The following CBFA2T3 variants were observed in gnomAD, a reference collection of about 807,000 sequenced individuals.
CBFA2T3 encodes the protein transcriptional corepressor CBFA2T3.
CBFA2T3 carries 31 observed loss-of-function variants against 58.6 expected under a neutral mutation model. The observed-to-expected ratio is 0.53, with a 90% CI of 0.40 to 0.71. The LOEUF is 0.71. Ranked by LOEUF, CBFA2T3 falls within the 30% of genes least tolerant of loss-of-function variation. The pLI is 0.00. For missense variants in CBFA2T3, 1,076 were observed against 963.1 expected, an observed-to-expected ratio of 1.12 and a Z score of -1.55; for synonymous variants, 531 against 421.9, an observed-to-expected ratio of 1.26 and a Z score of -3.17.
chr16:88,919,861 C>A (rs1323535053), intron 1 of CBFA2T3, among the ~76,000 whole-genome samples: 5 of 152,200 alleles, frequency 3.3e-5, no homozygotes, highest in Non-Finnish European at 7.3e-5. Flanking sequence ...AACTCCTGGG[C>A]CTCGGTTCCT....
chr16:88,914,633 C>A (rs954494194), intron 1 of CBFA2T3, among the ~76,000 whole-genome samples: 1 of 152,204 alleles, frequency 6.6e-6, no homozygotes, highest in Non-Finnish European at 1.5e-5. Context: ...GGCTTAAGCC[C>A]AGAGCCCCTA....
chr16:88,973,941 C>CG (rs1397772283), intron 1 of CBFA2T3, among the ~76,000 whole-genome samples: 1 of 152,162 alleles, frequency 6.6e-6, no homozygotes, highest in African/African-American at 2.4e-5. Context: ...AACACCCGCC[C>CG]GCCTTTGCCT....
chr16:88,958,444 C>T lies in CBFA2T3; in HGVS notation c.151+18213G>A, dbSNP rs1337310117. On this transcript the variant is annotated intron_variant, in intron 1 of 11. Transcript: ENST00000268679. The surrounding 1 kb of genome is among the most constrained non-coding windows in gnomAD (Gnocchi z 4.0). ...GTTAGAGTAATGCCAGGCGGGGCGG[C>T]GGGGGAAGAAGGTTCTGGGGCGGGG... Among the ~76,000 whole-genome samples the T allele has an allele frequency of 1.6e-5, 2 of 122,328 alleles. No individual in the cohort carries two copies. Among genetic ancestry groups the T allele is most frequent in the Non-Finnish European group, 3.4e-5 (2 of 58,186 alleles). The allele number at this position is 122,328 out of a possible 152,430, so 80.3% of individuals were successfully genotyped here. A position where few individuals can be genotyped will look rare whatever the true frequency, so the allele number is the denominator to read the frequency against.
chr16:88,917,811 C>T (rs1389022254), intron 1 of CBFA2T3, among the ~76,000 whole-genome samples: 4 of 149,032 alleles, frequency 2.7e-5, no homozygotes, highest in South Asian at 2.1e-4. Context: ...CACATGCAGA[C>T]GAGAGTGTGC....
intron 1 of CBFA2T3, among the ~76,000 whole-genome samples, chr16:88,908,708 C>T (rs1010901571): frequency 6.6e-6 from 1 of 152,230 alleles, no homozygotes; most frequent in Non-Finnish European, 1.5e-5. Context: ...CTCGTACCCT[C>T]GCCAGCTCTG....
At chr16:88,906,474 G>T (rs1453331366) in intron 1 of CBFA2T3, among the ~76,000 whole-genome samples, 3 of 151,680 alleles carry the variant, frequency 2.0e-5, no homozygotes, top group African/African-American at 7.3e-5. Context: ...ACACACGGAG[G>T]TGAATAAGTC....
chr16:88,943,128 G>C (rs1430437351), intron 1 of CBFA2T3, among the ~76,000 whole-genome samples: 2 of 152,250 alleles, frequency 1.3e-5, no homozygotes, highest in South Asian at 2.1e-4. Context: ...AGGTTTCAGA[G>C]ATTTTACAAA....
chr16:88,934,867 G>A (rs1394832925), intron 1 of CBFA2T3, among the ~76,000 whole-genome samples: 6 of 152,200 alleles, frequency 3.9e-5, no homozygotes, highest in African/African-American at 1.2e-4. Flanking sequence ...AGCCTCCCCA[G>A]TAGCTGGGAC....
At position 88,901,539 on chromosome 16, in the gene CBFA2T3, C is replaced by T. The variant is rs1970098158; in HGVS notation, c.269G>A (p.Gly90Glu). Residue 90 changes from glycine to glutamate, a missense_variant, in exon 2 of 12, where the codon GGG (glycine) becomes GAG (glutamate). Transcript: ENST00000268679. ...CGTGAAGGAGGGGGGGCGTGTGGCC[C>T]CCTGGGATGCGGCAGGCGGTGGGGG... ...MPPPPPAASQGATRPPSFTPH... is the reference protein window; with the variant it reads ...MPPPPPAASQEATRPPSFTPH... 1 of 1,485,472 alleles carries T rather than the reference C, an allele frequency of 6.7e-7. No individual in the cohort carries two copies. The highest frequency in any genetic ancestry group is 8.9e-7 in the Non-Finnish European group (1 of 1,125,414). 92.0% of individuals were successfully genotyped at this position (1,485,472 alleles called of 1,614,324 possible).
intron 1 of CBFA2T3, among the ~76,000 whole-genome samples, chr16:88,914,823 T>G (rs1567604535): frequency 6.6e-6 from 1 of 152,102 alleles, no homozygotes; most frequent in Non-Finnish European, 1.5e-5. Context: ...GGGCCGCAAA[T>G]GGGACCCAGA....
At chr16:88,933,752 C>A (rs1971387869) in intron 1 of CBFA2T3, among the ~76,000 whole-genome samples, 1 of 141,482 alleles carries the variant, frequency 7.1e-6, no homozygotes, top group East Asian at 2.0e-4. Context: ...CCTCTATACG[C>A]CTCACACGCC....
intron 1 of CBFA2T3, among the ~76,000 whole-genome samples, chr16:88,917,064 T>A: frequency 7.0e-6 from 1 of 143,248 alleles, no homozygotes. Flanking sequence ...ACACCGTGAC[T>A]CTGTCTCAAA....
At chr16:88,881,536 G>A (rs755186829) in intron 8 of CBFA2T3, 47 bp from the exon 9 acceptor site, 38 of 1,552,762 alleles carry the variant, frequency 2.4e-5, no homozygotes, top group East Asian at 6.8e-5. Context: ...GGACCGGGAC[G>A]CACCAGACAC....
chr16:88,958,759 C>T lies in CBFA2T3; in HGVS notation c.151+17898G>A, dbSNP rs1174806885. The stretch of plus-strand genomic sequence containing the variant: ...CTCTCCCAGGGCTGGGGCCTCAGGG[C>T]CTCAGCGTAGCCCAGGTCTGCGCTG... On this transcript the variant is annotated intron_variant, in intron 1 of 11. Coordinates refer to ENST00000268679, the MANE Select transcript of CBFA2T3 (RefSeq NM_005187.6). The surrounding 1 kb of genome is among the most constrained non-coding windows in gnomAD (Gnocchi z 4.0). Among the ~76,000 whole-genome samples the T allele has an allele frequency of 6.6e-6, 1 of 152,042 alleles. No individual in the cohort carries two copies. Among genetic ancestry groups the T allele is most frequent in the African/African-American group, 2.4e-5 (1 of 41,394 alleles).
intron 10 of CBFA2T3, 103 bp from the exon 11 acceptor site, chr16:88,879,563 G>A (rs1488106708): frequency 2.0e-6 from 2 of 1,021,900 alleles, no homozygotes; most frequent in Non-Finnish European, 3.0e-6. Context: ...GCTGTGTGCA[G>A]CTGAACACAC....
chr16:88,896,610 C>G (rs1449399488), intron 3 of CBFA2T3, among the ~76,000 whole-genome samples: 1 of 152,196 alleles, frequency 6.6e-6, no homozygotes, highest in Non-Finnish European at 1.5e-5. Context: ...CCCGTCAAGA[C>G]TGAGGATAGC....
chr16:88,878,374 G>A (rs1319389202), intron 11 of CBFA2T3, among the ~76,000 whole-genome samples: 1 of 152,332 alleles, frequency 6.6e-6, no homozygotes, highest in South Asian at 2.1e-4. Flanking sequence ...GGCTGGCCCA[G>A]GCACAGATGC....
At chr16:88,944,434 C>A (rs115138143) in intron 1 of CBFA2T3, among the ~76,000 whole-genome samples, 2,836 of 152,150 alleles carry the variant, frequency 0.019, 99 homozygotes, top group African/African-American at 0.063. Context: ...TCTGGTGCCC[C>A]GATCACACAC....
intron 1 of CBFA2T3, among the ~76,000 whole-genome samples, chr16:88,928,655 C>T (rs1567614091): frequency 6.6e-6 from 1 of 152,226 alleles, no homozygotes; most frequent in African/African-American, 2.4e-5. Flanking sequence ...TGCCTGTGTA[C>T]TGAGCGCCTC....
Sources: allele counts gnomAD v4.1 joint callset (sites outside exome capture counted in the v4.1 genomes callset), GRCh38; gene constraint gnomAD v4.1.1; non-coding constraint Gnocchi (gnomAD v3.1); transcripts MANE v1.5; gene names NCBI Gene and HGNC (gene_info 2026-07-23, HGNC 2026-07-21).